Variants in SLIT3 observed in about 807,000 individuals in gnomAD.
SLIT3 encodes the protein slit homolog 3 protein.
A neutral mutation model predicts 184.0 loss-of-function variants in SLIT3; 68 were observed. The observed-to-expected ratio is 0.37, with a 90% CI of 0.30 to 0.45. SLIT3 has a LOEUF of 0.45. Ranked by LOEUF, SLIT3 falls within the 20% of genes least tolerant of loss-of-function variation. SLIT3 has a pLI of 1.00. For synonymous variants in SLIT3, 831 were observed against 828.6 expected (o/e 1.00, Z -0.05); for missense variants, 1,707 against 2,026.0 (o/e 0.84, Z 3.02).
chr5:169,162,608 T>C (rs1341952411), intron 4 of SLIT3, among the ~76,000 whole-genome samples: 2 of 152,242 alleles, frequency 1.3e-5, no homozygotes, highest in Non-Finnish European at 2.9e-5. Context: ...CCAACAGCAC[T>C]GACCACACCA....
At chr5:168,826,204 T>C (rs1206705179) in intron 6 of SLIT3, among the ~76,000 whole-genome samples, 1 of 152,154 alleles carries the variant, frequency 6.6e-6, no homozygotes, top group Non-Finnish European at 1.5e-5. Context: ...TCGTAATGAG[T>C]GCTATAAAAC....
intron 28 of SLIT3, among the ~76,000 whole-genome samples, chr5:168,693,182 A>G (rs1028551894): frequency 6.6e-6 from 1 of 152,206 alleles, no homozygotes; most frequent in Non-Finnish European, 1.5e-5. Context: ...GCAGGCAATT[A>G]CAATACAGAC....
At chr5:169,159,413 C>G (rs757698075) in intron 4 of SLIT3, among the ~76,000 whole-genome samples, 1 of 151,426 alleles carries the variant, frequency 6.6e-6, no homozygotes, top group African/African-American at 2.4e-5. Context: ...GCAACAAGAG[C>G]GAAACTCCAT....
chr5:169,221,977 A>G (rs1764632734), intron 3 of SLIT3, among the ~76,000 whole-genome samples: 1 of 152,090 alleles, frequency 6.6e-6, no homozygotes, highest in South Asian at 2.1e-4. Context: ...TTTCATTAAA[A>G]GTCCATTATG....
rs1237510744 is a variant in SLIT3, at chr5:168,662,136, G to A, written c.*4318C>T. On this transcript the variant is annotated 3_prime_UTR_variant, in exon 36 of 36. Transcript: ENST00000519560. ...GACATCCACTGTGGGGTAGCAGGAA[G>A]AACTTTGGCCTGGGTGGACACATGG... The A allele has an allele frequency of 6.6e-6, 1 of 152,260 alleles. No homozygotes were observed. The highest frequency in any genetic ancestry group is 1.5e-5 in the Non-Finnish European group (1 of 68,060). 9.4% of individuals were successfully genotyped at this position (152,260 alleles called of 1,614,324 possible). A position where few individuals can be genotyped will look rare whatever the true frequency, so the allele number is the denominator to read the frequency against.
At chr5:169,261,677 G>A (rs1274431027) in intron 1 of SLIT3, among the ~76,000 whole-genome samples, 2 of 152,170 alleles carry the variant, frequency 1.3e-5, no homozygotes, top group Non-Finnish European at 2.9e-5. Flanking sequence ...TTCCTTTTAA[G>A]GAACTTTTAT....
At chr5:169,112,953 C>T (rs1023268204) in intron 4 of SLIT3, among the ~76,000 whole-genome samples, 2 of 152,180 alleles carry the variant, frequency 1.3e-5, no homozygotes, top group African/African-American at 4.8e-5. Context: ...CCTACAGTTG[C>T]TACTTCCTCA....
At chr5:168,796,632 C>T (rs1001910732) in intron 9 of SLIT3, among the ~76,000 whole-genome samples, 1 of 152,168 alleles carries the variant, frequency 6.6e-6, no homozygotes, top group Non-Finnish European at 1.5e-5. Flanking sequence ...ATGGGAGGAA[C>T]GGGCTTCCTT....
intron 4 of SLIT3, among the ~76,000 whole-genome samples, chr5:169,048,126 G>A (rs1757689510): frequency 6.6e-6 from 1 of 152,188 alleles, no homozygotes; most frequent in South Asian, 2.1e-4. Flanking sequence ...ATTCAAGCTA[G>A]AAAGGAGAAA....
At chr5:169,051,297 T>TC (rs796120600) in intron 4 of SLIT3, among the ~76,000 whole-genome samples, 52 of 152,134 alleles carry the variant, frequency 3.4e-4, no homozygotes, top group African/African-American at 1.2e-3. Flanking sequence ...TTTTTTTTTT[T>TC]CCCCTCTACA....
intron 5 of SLIT3, among the ~76,000 whole-genome samples, chr5:168,868,415 C>T (rs1258394834): frequency 6.6e-6 from 1 of 152,142 alleles, no homozygotes; most frequent in African/African-American, 2.4e-5. Flanking sequence ...TTTAGTCTCC[C>T]TAGCAGCTGG....
chr5:168,670,209 C>G (rs140202272), intron 34 of SLIT3, among the ~76,000 whole-genome samples: 49 of 152,350 alleles, frequency 3.2e-4, no homozygotes, highest in African/African-American at 1.2e-3. Flanking sequence ...CCACTGTGAG[C>G]TGTGACCACA....
At position 168,907,967 on chromosome 5, in the gene SLIT3, TATATATATATATAGAGAG is replaced by T. The variant is rs1761126307; in HGVS notation, c.414-24649_414-24632del. ...GTGTATATATATATATATATATATA[TATATATATATATAGAGAG>T]AGAGAGAGAGAGAGAGAGAGAGGTG... On this transcript the variant is annotated intron_variant, in intron 4 of 35. Coordinates refer to ENST00000519560, the MANE Select transcript of SLIT3 (RefSeq NM_003062.4). 1.5e-4 allele frequency among the ~76,000 whole-genome samples: 12 copies of T among 80,224 alleles called. No individual in the cohort carries two copies. The East Asian group carries it at 2.0e-3, about 13-fold the overall frequency. The allele number at this position is 80,224 out of a possible 152,430, so 52.6% of individuals were successfully genotyped here. A position where few individuals can be genotyped will look rare whatever the true frequency, so the allele number is the denominator to read the frequency against.
At chr5:168,836,408 G>T (rs1046712041) in intron 6 of SLIT3, among the ~76,000 whole-genome samples, 3 of 152,218 alleles carry the variant, frequency 2.0e-5, no homozygotes, top group African/African-American at 7.2e-5. Context: ...CTGACCATCA[G>T]GCAGGGGCAC....
intron 4 of SLIT3, among the ~76,000 whole-genome samples, chr5:169,001,130 T>A (rs12651877): frequency 2.6e-5 from 4 of 152,192 alleles, no homozygotes; most frequent in African/African-American, 9.7e-5. Context: ...TTTATCCAAG[T>A]GCTTTGCTAT....
chr5:168,897,646 G>GCGTGCA, intron 4 of SLIT3, among the ~76,000 whole-genome samples: 1 of 105,382 alleles, frequency 9.5e-6, no homozygotes, highest in Admixed American at 9.4e-5. Flanking sequence ...ACAGGTGCAC[G>GCGTGCA]TACACACACA....
chr5:169,005,427 A>G (rs1045212132), intron 4 of SLIT3, among the ~76,000 whole-genome samples: 1 of 152,206 alleles, frequency 6.6e-6, no homozygotes, highest in Non-Finnish European at 1.5e-5. Context: ...TGTATAGGAG[A>G]GTTCCTGGCC....
At chr5:168,839,346 C>T (rs993260076) in intron 6 of SLIT3, among the ~76,000 whole-genome samples, 1 of 152,070 alleles carries the variant, frequency 6.6e-6, no homozygotes, top group Non-Finnish European at 1.5e-5. Flanking sequence ...ACAGGGGCCA[C>T]GTGGGCTGGC....
intron 4 of SLIT3, among the ~76,000 whole-genome samples, chr5:169,076,620 G>C (rs1184297608): frequency 6.6e-6 from 1 of 152,114 alleles, no homozygotes; most frequent in East Asian, 1.9e-4. Flanking sequence ...AGGAGAGAGA[G>C]GGTGGAAGAA....
Sources: gnomAD v4.1 joint callset for allele counts (sites outside exome capture counted in the v4.1 genomes callset) on GRCh38, gnomAD v4.1.1 for gene constraint, MANE v1.5 for transcripts, NCBI Gene and HGNC (gene_info 2026-07-23, HGNC 2026-07-21) for gene names.